Variants in SORCS1 observed in about 807,000 individuals in gnomAD.
The protein encoded by SORCS1 is VPS10 domain-containing receptor SorCS1.
A neutral mutation model predicts 146.1 loss-of-function variants in SORCS1; 60 were observed. The ratio of observed to expected loss-of-function variants is 0.41; its 90% CI spans 0.33 to 0.51. The LOEUF (loss-of-function observed/expected upper bound fraction) is 0.51, where lower values mean the gene tolerates loss of function less well. Ranked by LOEUF, SORCS1 falls within the 20% of genes least tolerant of loss-of-function variation. SORCS1 has a pLI of 0.21. For missense variants in SORCS1, 1,352 were observed against 1,487.6 expected (o/e 0.91, Z 1.50); for synonymous variants, 637 against 584.0 (o/e 1.09, Z -1.31).
At chr10:106,909,844 C>T (rs1160530740) in intron 2 of SORCS1, among the ~76,000 whole-genome samples, 1 of 152,150 alleles carries the variant, frequency 6.6e-6, no homozygotes, top group Non-Finnish European at 1.5e-5. Context: ...CCAAATGATA[C>T]CTATCCACCC....
At chr10:107,174,804 T>C in the SORCS1 span, among the ~76,000 whole-genome samples, 1 of 151,856 alleles carries the variant, frequency 6.6e-6, no homozygotes. Flanking sequence ...ATGAATATGA[T>C]ATTGAATAGA....
chr10:106,926,591 A>G (rs1467162850), intron 2 of SORCS1, among the ~76,000 whole-genome samples: 32 of 152,202 alleles, frequency 2.1e-4, no homozygotes, highest in Admixed American at 1.6e-3. Flanking sequence ...TTATAGTTCA[A>G]ATGTAGTCAA....
In SORCS1 at chr10:107,138,144, AT is replaced by A. The variant is rs553210565; in HGVS notation, c.558+25824del. Among the ~76,000 whole-genome samples, 42 of 151,776 alleles carry A rather than the reference AT, an allele frequency of 2.8e-4. No homozygotes were observed. In the East Asian group the frequency reaches 6.4e-3, roughly 23 times the overall value. ...CTAGCACATAATAGGTGGTCAATTA[AT>A]TTTTTTTTAAATAAAAGAATGAATC... On this transcript the variant is annotated intron_variant, in intron 1 of 25. Transcript: ENST00000263054.
intron 1 of SORCS1, among the ~76,000 whole-genome samples, chr10:107,143,148 G>A (rs1451381390): frequency 6.6e-6 from 1 of 152,140 alleles, no homozygotes; most frequent in Non-Finnish European, 1.5e-5. Flanking sequence ...CTCACACAAT[G>A]CCCTGAAAAT....
chr10:106,703,827 A>C (rs1854310319), intron 8 of SORCS1, among the ~76,000 whole-genome samples: 1 of 152,200 alleles, frequency 6.6e-6, no homozygotes, highest in Admixed American at 6.5e-5. Flanking sequence ...GTAATAAAGA[A>C]TCTCATTGCC....
At chr10:106,838,704 A>G (rs934860062) in intron 2 of SORCS1, among the ~76,000 whole-genome samples, 4 of 152,148 alleles carry the variant, frequency 2.6e-5, no homozygotes, top group African/African-American at 9.7e-5. Flanking sequence ...ACTTTATTTT[A>G]CTTTGCAAAC....
chr10:106,580,955 T>G (rs1844867734), intron 24 of SORCS1, among the ~76,000 whole-genome samples: 1 of 152,126 alleles, frequency 6.6e-6, no homozygotes, highest in Non-Finnish European at 1.5e-5. Context: ...AAACTTCACC[T>G]CAGTTTTGAA....
At chr10:106,625,808 G>GA (rs1421698256) in intron 19 of SORCS1, among the ~76,000 whole-genome samples, 4 of 151,918 alleles carry the variant, frequency 2.6e-5, no homozygotes, top group Non-Finnish European at 5.9e-5. Flanking sequence ...AGTCTTCAGT[G>GA]ATTTTTTTTT....
At chr10:106,923,168 C>A (rs971729484) in intron 2 of SORCS1, among the ~76,000 whole-genome samples, 4 of 152,212 alleles carry the variant, frequency 2.6e-5, no homozygotes, top group African/African-American at 9.7e-5. Context: ...GGATTACAGG[C>A]GTGAGCCACC....
At chr10:106,939,282 G>A (rs370783579) in intron 2 of SORCS1, among the ~76,000 whole-genome samples, 4 of 152,282 alleles carry the variant, frequency 2.6e-5, no homozygotes, top group African/African-American at 4.8e-5. Flanking sequence ...AAGGGTATAC[G>A]TTTGGAATAA....
rs200323871 is a variant in SORCS1, at chr10:106,679,350, C to A, written c.1664-18G>T. 1,197 of 1,585,914 alleles carry A rather than the reference C, an allele frequency of 7.5e-4. No individual in the cohort carries two copies. Among genetic ancestry groups the A allele is most frequent in the Non-Finnish European group, 9.9e-4 (1,148 of 1,159,846 alleles). On this transcript the variant is annotated intron_variant, in intron 11 of 25. Coordinates refer to ENST00000263054, the MANE Select transcript of SORCS1 (RefSeq NM_052918.5). ...TATATTACCTAGAAAGAGAAAGGTG[C>A]CATTAGTGAAAAGAACTTTCTGCAA...
At chr10:107,152,134 G>A (rs757330050) in intron 1 of SORCS1, among the ~76,000 whole-genome samples, 6 of 152,214 alleles carry the variant, frequency 3.9e-5, no homozygotes, top group African/African-American at 4.8e-5. Flanking sequence ...GCTTCAGAGA[G>A]TGCAAACCCT....
At chr10:106,942,851 C>G (rs1363910258) in intron 2 of SORCS1, among the ~76,000 whole-genome samples, 1 of 152,210 alleles carries the variant, frequency 6.6e-6, no homozygotes, top group Non-Finnish European at 1.5e-5. Context: ...TATTTTCAGT[C>G]TCTTTTCACT....
In SORCS1 at chr10:107,099,702, G is replaced by A. The variant is rs139282528; in HGVS notation, c.558+64267C>T. 9.2e-5 allele frequency among the ~76,000 whole-genome samples: 14 copies of A among 152,154 alleles called. No homozygotes were observed. In the East Asian group the frequency reaches 2.5e-3, roughly 27 times the overall value. Reference sequence around the variant, plus strand: ...AAAACTACTGAACCAAGGAACCATAGGTTAAACTAATACAACCATAAAGAA... The same window carrying A: ...AAAACTACTGAACCAAGGAACCATAAGTTAAACTAATACAACCATAAAGAA... On this transcript the variant is annotated intron_variant, in intron 1 of 25. Coordinates refer to ENST00000263054, the MANE Select transcript of SORCS1 (RefSeq NM_052918.5).
In SORCS1 at chr10:106,590,299, A is replaced by G. The variant is rs532107242; in HGVS notation, c.3265+7052T>C. On this transcript the variant is annotated intron_variant, in intron 24 of 25. Coordinates refer to ENST00000263054, the MANE Select transcript of SORCS1 (RefSeq NM_052918.5). ...TCATTCTCCTCATTTAGAATTTAGT[A>G]AAGTTTCATGCAACTAGTATTTGTG... is the stretch of plus-strand genomic sequence containing the variant. 9.5e-4 allele frequency among the ~76,000 whole-genome samples: 144 copies of G among 152,288 alleles called. 2 individuals are homozygous for G. The South Asian group carries it at 0.029, about 31-fold the overall frequency.
intron 9 of SORCS1, among the ~76,000 whole-genome samples, chr10:106,695,719 T>C (rs138837090): frequency 1.3e-5 from 2 of 152,090 alleles, no homozygotes; most frequent in Admixed American, 6.5e-5. Flanking sequence ...ATATTAATGA[T>C]AACAAAATTC....
chr10:106,710,108 A>C (rs758691402), intron 6 of SORCS1, among the ~76,000 whole-genome samples: 10 of 152,226 alleles, frequency 6.6e-5, no homozygotes, highest in Non-Finnish European at 1.3e-4. Context: ...TGTGGTTATA[A>C]GATTCTAGGT....
chr10:106,768,052 A>G (rs1207319386), intron 4 of SORCS1, among the ~76,000 whole-genome samples: 4 of 152,206 alleles, frequency 2.6e-5, no homozygotes, highest in African/African-American at 9.6e-5. Flanking sequence ...TAATGATACA[A>G]CCTGTTTAAA....
Position 106,878,705 on chromosome 10 carries a change from TTA to T in SORCS1, c.627-49034_627-49033del, listed in dbSNP as rs1436847034. Among the ~76,000 whole-genome samples the T allele has an allele frequency of 4.1e-5, 6 of 146,132 alleles. No individual in the cohort carries two copies. The East Asian group carries it at 1.2e-3, about 30-fold the overall frequency. On this transcript the variant is annotated intron_variant, in intron 2 of 25. Coordinates refer to ENST00000263054, the MANE Select transcript of SORCS1 (RefSeq NM_052918.5). ...AAGTTGATGTCATCACACAAAATTT[TTA>T]TATGTCCCTCTGGGTTTTTGTGTAA... is the stretch of plus-strand genomic sequence containing the variant.
Sources: allele counts gnomAD v4.1 joint callset (sites outside exome capture counted in the v4.1 genomes callset), GRCh38; gene constraint gnomAD v4.1.1; transcripts MANE v1.5; gene names NCBI Gene and HGNC (gene_info 2026-07-23, HGNC 2026-07-21).